The following LARP4B variants were observed in gnomAD, a reference collection of about 807,000 sequenced individuals.
LARP4B encodes La ribonucleoprotein 4B, also known as la-related protein 4B.
Under a neutral mutation model 89.8 loss-of-function variants are expected in LARP4B, and 12 were observed. The observed-to-expected ratio is 0.13, with a 90% CI of 0.09 to 0.22. The LOEUF (loss-of-function observed/expected upper bound fraction) is 0.22. Ranked by LOEUF, LARP4B falls within the 10% of genes least tolerant of loss-of-function variation. The probability of loss-of-function intolerance (pLI) is 1.00; values close to 1 mark genes in which losing one functional copy is unlikely to be tolerated. For synonymous variants in LARP4B, 367 were observed against 363.3 expected (o/e 1.01, Z -0.12); for missense variants, 757 against 947.7 (o/e 0.80, Z 2.64).
At chr10:863,376 C>T (rs180800189) in intron 5 of LARP4B, among the ~76,000 whole-genome samples, 3,242 of 152,200 alleles carry the variant, frequency 0.021, 65 homozygotes, top group Admixed American at 0.061. Context: ...GCGCCCGCCA[C>T]CACGCCCAGC....
chr10:941,946 C>CAG, the LARP4B span, among the ~76,000 whole-genome samples: 1 of 152,026 alleles, frequency 6.6e-6, no homozygotes, highest in Non-Finnish European at 1.5e-5. Flanking sequence ...TGGCTCAGTA[C>CAG]ATTTTTTTAA....
chr10:827,148 C>A (rs947266356), intron 11 of LARP4B, among the ~76,000 whole-genome samples: 1 of 151,720 alleles, frequency 6.6e-6, no homozygotes, highest in Non-Finnish European at 1.5e-5. Flanking sequence ...TAGTGGCGGG[C>A]GCCTGTAGTC....
intron 3 of LARP4B, among the ~76,000 whole-genome samples, chr10:865,108 T>C (rs915297308): frequency 6.6e-6 from 1 of 152,030 alleles, no homozygotes; most frequent in African/African-American, 2.4e-5. Context: ...AGATAAAATA[T>C]CTCATATTTT....
At chr10:830,621 G>A (rs1391489477) in intron 9 of LARP4B, among the ~76,000 whole-genome samples, 1 of 152,176 alleles carries the variant, frequency 6.6e-6, no homozygotes, top group Non-Finnish European at 1.5e-5. Context: ...GAACAAAACT[G>A]ATTTTCCTAG....
intron 1 of LARP4B, among the ~76,000 whole-genome samples, chr10:926,855 A>C (rs1837151198): frequency 6.6e-6 from 1 of 152,162 alleles, no homozygotes; most frequent in Non-Finnish European, 1.5e-5. Context: ...TGGCCAACAC[A>C]GTGAAACCCA....
intron 5 of LARP4B, among the ~76,000 whole-genome samples, chr10:860,096 A>T (rs1834517369): frequency 9.2e-6 from 1 of 108,960 alleles, no homozygotes; most frequent in African/African-American, 3.6e-5. Flanking sequence ...AGGGAGTGTG[A>T]ATAGTGAAGA....
upstream of LARP4B, among the ~76,000 whole-genome samples, chr10:931,968 T>TCCGCCCCGC (rs1054907749): frequency 0.048 from 6,820 of 143,384 alleles, 361 homozygotes; most frequent in African/African-American, 0.13. Flanking sequence ...ACGCCGCACG[T>TCCGCCCCGC]CCGCCCCGCC....
At chr10:831,496 G>A (rs959148343) in intron 8 of LARP4B, among the ~76,000 whole-genome samples, 11 of 152,172 alleles carry the variant, frequency 7.2e-5, no homozygotes, top group Non-Finnish European at 1.6e-4. Context: ...CAGTGCCTGG[G>A]CCGCAGAGCC....
intron 17 of LARP4B, among the ~76,000 whole-genome samples, chr10:813,604 G>A (rs1157846986): frequency 5.3e-5 from 8 of 152,104 alleles, no homozygotes; most frequent in African/African-American, 1.4e-4. Context: ...ACCCTCACAC[G>A]GTACTCAACC....
At chr10:946,964 G>T in the LARP4B span, among the ~76,000 whole-genome samples, 1 of 152,116 alleles carries the variant, frequency 6.6e-6, no homozygotes, top group Non-Finnish European at 1.5e-5. Context: ...CACCTCCTGG[G>T]TTCAAGCGAT....
chr10:818,595 G>C (rs778354644), intron 14 of LARP4B: 1 of 152,240 alleles, frequency 6.6e-6, no homozygotes, highest in Non-Finnish European at 1.5e-5. Flanking sequence ...AAGAAAGGCA[G>C]TAATACCTTT....
intron 5 of LARP4B, among the ~76,000 whole-genome samples, chr10:855,258 G>A (rs1834245099): frequency 6.6e-6 from 1 of 152,106 alleles, no homozygotes; most frequent in Non-Finnish European, 1.5e-5. Flanking sequence ...CTTTTCCTTT[G>A]CATTTACAGC....
intron 5 of LARP4B, among the ~76,000 whole-genome samples, chr10:860,129 G>A (rs1334003376): frequency 6.6e-5 from 2 of 30,448 alleles, no homozygotes; most frequent in African/African-American, 2.3e-4. Context: ...TGTGGGGGTG[G>A]GGGGGAGGGG....
the LARP4B span, among the ~76,000 whole-genome samples, chr10:943,292 G>A: frequency 2.0e-5 from 3 of 152,086 alleles, no homozygotes; most frequent in African/African-American, 7.2e-5. Context: ...TGCCTGCTGT[G>A]TGTTATTCTG....
chr10:927,486 C>A (rs560776917), intron 1 of LARP4B, among the ~76,000 whole-genome samples: 1 of 150,586 alleles, frequency 6.6e-6, no homozygotes, highest in African/African-American at 2.4e-5. Context: ...AAAAGGAATT[C>A]ATTTTCCAAT....
At chr10:968,140 T>G in the LARP4B span, among the ~76,000 whole-genome samples, 3 of 152,318 alleles carry the variant, frequency 2.0e-5, no homozygotes, top group African/African-American at 7.2e-5. Flanking sequence ...TAAGATTCCT[T>G]CTGTCTCCAA....
At chr10:984,891 C>G in the LARP4B span, among the ~76,000 whole-genome samples, 7 of 152,242 alleles carry the variant, frequency 4.6e-5, no homozygotes, top group South Asian at 1.5e-3. Flanking sequence ...AAGATCACAC[C>G]ATTGCACTCC....
chr10:941,759 CTTTTT>C, the LARP4B span, among the ~76,000 whole-genome samples: 1 of 151,626 alleles, frequency 6.6e-6, no homozygotes, highest in Admixed American at 6.6e-5. Flanking sequence ...TATTTTTTGT[CTTTTT>C]TTGTTTGTTT....
intron 1 of LARP4B, among the ~76,000 whole-genome samples, chr10:920,224 G>A (rs369361577): frequency 1.3e-5 from 2 of 152,194 alleles, no homozygotes; most frequent in Non-Finnish European, 2.9e-5. Flanking sequence ...GCTCGTTACA[G>A]TCCTAGCTCT....
Sources: allele counts gnomAD v4.1 joint callset (sites outside exome capture counted in the v4.1 genomes callset), GRCh38; gene constraint gnomAD v4.1.1; transcripts MANE v1.5; gene names NCBI Gene and HGNC (gene_info 2026-07-23, HGNC 2026-07-21).